Variants in KLHL20 observed in about 807,000 individuals in gnomAD.
The protein encoded by KLHL20 is kelch-like protein 20.
In KLHL20, 29 loss-of-function variants were observed where a neutral mutation model predicts 69.5. The ratio of observed to expected loss-of-function variants is 0.42; its 90% CI spans 0.31 to 0.57. The LOEUF is 0.57. Ranked by LOEUF, KLHL20 falls within the 20% of genes least tolerant of loss-of-function variation. The probability of loss-of-function intolerance (pLI) is 0.18; values close to 1 mark genes in which losing one functional copy is unlikely to be tolerated. For missense variants in KLHL20, 419 were observed against 776.0 expected, an observed-to-expected ratio of 0.54 and a Z score of 5.47; for synonymous variants, 253 against 265.2, an observed-to-expected ratio of 0.95 and a Z score of 0.45.
At chr1:173,777,727 A>G (rs1648565784) in intron 10 of KLHL20, among the ~76,000 whole-genome samples, 1 of 152,210 alleles carries the variant, frequency 6.6e-6, no homozygotes, top group Non-Finnish European at 1.5e-5. Context: ...TGATTTGCAT[A>G]TGTTGAACCA....
At chr1:173,774,528 A>G in intron 9 of KLHL20, 90 bp downstream of exon 9, 1 of 1,444,374 alleles carries the variant, frequency 6.9e-7, no homozygotes, top group Non-Finnish European at 9.6e-7. Context: ...ACTCCAGGTT[A>G]TCCTATAATT....
chr1:173,731,681 TACAGGAAG>T lies in KLHL20; in HGVS notation c.24-2031_24-2024del, dbSNP rs1183380030. Among the ~76,000 whole-genome samples the T allele has an allele frequency of 2.4e-5, 3 of 127,276 alleles. No homozygotes were observed. The South Asian group carries it at 7.4e-4, about 32-fold the overall frequency. 83.5% of individuals were successfully genotyped at this position (127,276 alleles called of 152,430 possible). ...GAATTGAACAATGAGAATACATGAA[TACAGGAAG>T]GGGAACATCACACACCAGGGCCTGT... On this transcript the variant is annotated intron_variant, in intron 2 of 11. Transcript: ENST00000209884.
At chr1:173,737,487 C>T (rs1672590928) in intron 3 of KLHL20, among the ~76,000 whole-genome samples, 1 of 152,144 alleles carries the variant, frequency 6.6e-6, no homozygotes, top group Non-Finnish European at 1.5e-5. Context: ...GTGTCCTTTC[C>T]CCACATTATG....
chr1:173,776,529 T>C (rs1490101443), intron 10 of KLHL20, among the ~76,000 whole-genome samples: 1 of 152,216 alleles, frequency 6.6e-6, no homozygotes, highest in Non-Finnish European at 1.5e-5. Context: ...TCCCCAGTGT[T>C]TTCTTTTAGC....
rs888563073 is a variant in KLHL20 at position 173,785,544 on chromosome 1, C to T, written c.*297C>T. 6 of 187,226 alleles carry T rather than the reference C, an allele frequency of 3.2e-5. No individual in the cohort carries two copies. The highest frequency in any genetic ancestry group is 1.4e-4 in the South Asian group (1 of 7,248). The allele number at this position is 187,226 out of a possible 1,614,324, so 11.6% of individuals were successfully genotyped here. ...GAAGAAAAAATTCCAAGCAGCAAAA[C>T]TTACTTTGTTTGTAAGGTATTCATT... On this transcript the variant is annotated 3_prime_UTR_variant, in exon 12 of 12. Coordinates refer to ENST00000209884, the MANE Select transcript of KLHL20 (RefSeq NM_014458.4).
chr1:173,718,545 CAAA>C (rs1043098445), intron 2 of KLHL20, among the ~76,000 whole-genome samples: 7 of 101,510 alleles, frequency 6.9e-5, no homozygotes, highest in Admixed American at 1.0e-4. Flanking sequence ...GACAGTGTCT[CAAA>C]AAAAAAAAAA....
intron 3 of KLHL20, among the ~76,000 whole-genome samples, chr1:173,736,403 G>A (rs1186402167): frequency 1.3e-5 from 2 of 152,274 alleles, no homozygotes; most frequent in East Asian, 3.9e-4. Context: ...GCACATGCAA[G>A]TGTCTTTTTC....
chr1:173,733,691 C>G (rs1295342428), intron 2 of KLHL20, 22 bp from the exon 3 acceptor site: 3 of 1,545,224 alleles, frequency 1.9e-6, no homozygotes, highest in Non-Finnish European at 2.7e-6. Flanking sequence ...CATCTTCTCT[C>G]TCTCCCCCAT....
At chr1:173,731,811 A>C (rs936235644) in intron 2 of KLHL20, among the ~76,000 whole-genome samples, 1 of 152,162 alleles carries the variant, frequency 6.6e-6, no homozygotes, top group African/African-American at 2.4e-5. Flanking sequence ...ACATGTATAC[A>C]TATGTAACAA....
At chr1:173,732,128 C>A (rs1342771801) in intron 2 of KLHL20, among the ~76,000 whole-genome samples, 1 of 151,246 alleles carries the variant, frequency 6.6e-6, no homozygotes, top group East Asian at 2.0e-4. Flanking sequence ...ACCCAGGAGG[C>A]GGAAGTTGCA....
chr1:173,727,628 GA>G (rs1430083153), intron 2 of KLHL20, among the ~76,000 whole-genome samples: 1 of 152,144 alleles, frequency 6.6e-6, no homozygotes, highest in Non-Finnish European at 1.5e-5. Context: ...TTTCAACCCA[GA>G]ATTTCATATC....
chr1:173,758,406 C>T (rs543246259), intron 7 of KLHL20, among the ~76,000 whole-genome samples: 3 of 152,088 alleles, frequency 2.0e-5, no homozygotes, highest in Non-Finnish European at 4.4e-5. Flanking sequence ...AGCTCCAGAC[C>T]GGGCAACATG....
At chr1:173,741,622 G>GA (rs1229465221) in intron 3 of KLHL20, 1 of 464,942 alleles carries the variant, frequency 2.2e-6, no homozygotes, top group Admixed American at 4.3e-5. Flanking sequence ...CCAAGCTGGG[G>GA]AAAAATATCT....
At chr1:173,731,161 A>T (rs1672257355) in intron 2 of KLHL20, among the ~76,000 whole-genome samples, 1 of 152,242 alleles carries the variant, frequency 6.6e-6, no homozygotes, top group Admixed American at 6.5e-5. Flanking sequence ...TCAAAACCAC[A>T]GTGAGATATC....
chr1:173,772,555 A>G (rs1648161378), intron 8 of KLHL20, among the ~76,000 whole-genome samples: 1 of 152,230 alleles, frequency 6.6e-6, no homozygotes, highest in Non-Finnish European at 1.5e-5. Context: ...GTATTATTAT[A>G]TTGATTAACC....
At chr1:173,766,124 C>A (rs1259097847) in intron 7 of KLHL20, 22 bp from the exon 8 acceptor site, 4 of 1,558,040 alleles carry the variant, frequency 2.6e-6, no homozygotes, top group Non-Finnish European at 3.5e-6. Context: ...TACAAACTCT[C>A]CTCTTGGTAT....
At chr1:173,782,253 A>C in intron 11 of KLHL20, 23 bp downstream of exon 11, 1 of 1,531,856 alleles carries the variant, frequency 6.5e-7, no homozygotes, top group Non-Finnish European at 9.0e-7. Context: ...CTGTGTAGCA[A>C]ATCACCTCAC....
At chr1:173,728,963 A>G in intron 2 of KLHL20, among the ~76,000 whole-genome samples, 1 of 152,214 alleles carries the variant, frequency 6.6e-6, no homozygotes, top group Non-Finnish European at 1.5e-5. Flanking sequence ...AAGATCAACA[A>G]AATTGATAGA....
intron 7 of KLHL20, among the ~76,000 whole-genome samples, chr1:173,763,135 A>C (rs1028923218): frequency 2.7e-5 from 4 of 150,482 alleles, no homozygotes; most frequent in African/African-American, 9.7e-5. Context: ...CAATAGCTGC[A>C]AAAAAAAATA....
Sources: gnomAD v4.1 joint callset for allele counts (sites outside exome capture counted in the v4.1 genomes callset) on GRCh38, gnomAD v4.1.1 for gene constraint, MANE v1.5 for transcripts, NCBI Gene and HGNC (gene_info 2026-07-23, HGNC 2026-07-21) for gene names.